Variants in GALNTL6 observed in about 807,000 individuals in gnomAD.
GALNTL6 encodes polypeptide N-acetylgalactosaminyltransferase like 6, also known as polypeptide N-acetylgalactosaminyltransferase-like 6.
A neutral mutation model predicts 73.7 loss-of-function variants in GALNTL6; 46 were observed. The observed-to-expected ratio is 0.62, with a 90% CI of 0.49 to 0.80. The LOEUF (loss-of-function observed/expected upper bound fraction) is 0.80, where lower values mean the gene tolerates loss of function less well. GALNTL6 is among the 30% of genes least tolerant of loss of function. The pLI, the probability that GALNTL6 is intolerant of heterozygous loss-of-function variation, is 0.00. For synonymous variants in GALNTL6, 259 were observed against 263.7 expected, an observed-to-expected ratio of 0.98 and a Z score of 0.17; for missense variants, 604 against 755.0, an observed-to-expected ratio of 0.80 and a Z score of 2.34.
At chr4:172,472,841 T>A (rs776419310) in intron 5 of GALNTL6, among the ~76,000 whole-genome samples, 6 of 152,160 alleles carry the variant, frequency 3.9e-5, no homozygotes, top group Non-Finnish European at 7.3e-5. Flanking sequence ...CATGCACTCC[T>A]GGCCCGTAGA....
chr4:172,777,703 A>G (rs1739147326), intron 5 of GALNTL6, among the ~76,000 whole-genome samples: 1 of 152,192 alleles, frequency 6.6e-6, no homozygotes, highest in South Asian at 2.1e-4. Flanking sequence ...CCTAGACACT[A>G]TGTAAAAATA....
intron 2 of GALNTL6, among the ~76,000 whole-genome samples, chr4:172,223,919 C>T (rs552779693): frequency 1.3e-5 from 2 of 152,102 alleles, no homozygotes; most frequent in African/African-American, 2.4e-5. Context: ...TTGCTTAAAA[C>T]ATTTCCTAGG....
chr4:171,963,008 C>T (rs1160656644), intron 2 of GALNTL6, among the ~76,000 whole-genome samples: 2 of 151,516 alleles, frequency 1.3e-5, no homozygotes, highest in Middle Eastern at 3.4e-3. Flanking sequence ...CCTTGTGATC[C>T]GCCCACCTTG....
At chr4:172,240,996 T>A (rs1737418434) in intron 3 of GALNTL6, among the ~76,000 whole-genome samples, 1 of 152,240 alleles carries the variant, frequency 6.6e-6, no homozygotes. Context: ...GTGGTGTAAT[T>A]TGATTATAAT....
At chr4:172,699,399 A>G (rs1733893551) in intron 5 of GALNTL6, among the ~76,000 whole-genome samples, 1 of 152,224 alleles carries the variant, frequency 6.6e-6, no homozygotes, top group Non-Finnish European at 1.5e-5. Flanking sequence ...ATTTCACAAT[A>G]TATCACAAAC....
At chr4:172,360,274 T>C (rs1302784634) in intron 5 of GALNTL6, among the ~76,000 whole-genome samples, 1 of 151,730 alleles carries the variant, frequency 6.6e-6, no homozygotes, top group Non-Finnish European at 1.5e-5. Context: ...TCATAAATGA[T>C]GTATACATTC....
intron 2 of GALNTL6, among the ~76,000 whole-genome samples, chr4:171,929,334 A>T (rs898376765): frequency 1.3e-5 from 2 of 152,074 alleles, no homozygotes; most frequent in African/African-American, 2.4e-5. Flanking sequence ...AGCCTACCAA[A>T]GTGCTGGGAT....
At chr4:171,924,209 C>A (rs1449193950) in intron 2 of GALNTL6, among the ~76,000 whole-genome samples, 2 of 150,640 alleles carry the variant, frequency 1.3e-5, no homozygotes, top group African/African-American at 4.9e-5. Flanking sequence ...CACACACACA[C>A]ACACAAACAC....
At chr4:171,826,606 C>G (rs1194208727) in intron 2 of GALNTL6, among the ~76,000 whole-genome samples, 1 of 152,136 alleles carries the variant, frequency 6.6e-6, no homozygotes, top group Admixed American at 6.6e-5. Flanking sequence ...GCATTAACCC[C>G]TTTCGCCAAT....
chr4:171,944,792 G>T (rs1009009011), intron 2 of GALNTL6, among the ~76,000 whole-genome samples: 1 of 151,188 alleles, frequency 6.6e-6, no homozygotes, highest in African/African-American at 2.4e-5. Context: ...GAAATTTATT[G>T]TTGCATTATA....
intron 10 of GALNTL6, among the ~76,000 whole-genome samples, chr4:172,978,264 T>G (rs1225425867): frequency 6.6e-6 from 1 of 152,202 alleles, no homozygotes; most frequent in Non-Finnish European, 1.5e-5. Flanking sequence ...TGAGGCTTCT[T>G]GGGTTGACTG....
At chr4:172,202,925 G>A (rs573308413) in intron 2 of GALNTL6, among the ~76,000 whole-genome samples, 234 of 152,230 alleles carry the variant, frequency 1.5e-3, no homozygotes, top group African/African-American at 5.4e-3. Flanking sequence ...AATTAGGCTT[G>A]AGAGGAAAAC....
Position 172,941,250 on chromosome 4 carries a change from C to T in GALNTL6, c.1149+9982C>T, listed in dbSNP as rs971229250. Among the ~76,000 whole-genome samples the T allele has an allele frequency of 5.3e-5, 8 of 152,214 alleles. No homozygotes were observed. In the East Asian group the frequency reaches 1.5e-3, roughly 29 times the overall value. ...ATATTAAGCATTTCTTGAGCTATCA[C>T]ATGAGGACCAAGATTTTATGTTAGC... On this transcript the variant is annotated intron_variant, in intron 9 of 12. Coordinates refer to ENST00000506823, the MANE Select transcript of GALNTL6 (RefSeq NM_001034845.3).
intron 2 of GALNTL6, among the ~76,000 whole-genome samples, chr4:171,860,924 GAAC>G (rs1735814432): frequency 6.6e-6 from 1 of 152,068 alleles, no homozygotes; most frequent in East Asian, 1.9e-4. Flanking sequence ...TTCCAGAATA[GAAC>G]AACCTCTGAT....
At chr4:172,790,838 G>A (rs536135962) in intron 5 of GALNTL6, among the ~76,000 whole-genome samples, 1 of 148,264 alleles carries the variant, frequency 6.7e-6, no homozygotes, top group Non-Finnish European at 1.5e-5. Context: ...GGCAGAGGTT[G>A]CAGTGAGCCA....
intron 10 of GALNTL6, among the ~76,000 whole-genome samples, chr4:172,955,555 AC>A (rs1165836691): frequency 6.6e-6 from 1 of 152,360 alleles, no homozygotes; most frequent in African/African-American, 2.4e-5. Context: ...AAATGTTGAC[AC>A]ATGCGATTTC....
At chr4:172,635,292 G>C (rs564127857) in intron 5 of GALNTL6, among the ~76,000 whole-genome samples, 81 of 152,124 alleles carry the variant, frequency 5.3e-4, no homozygotes, top group African/African-American at 1.9e-3. Context: ...AATATAGTGC[G>C]ACTGTTTATT....
intron 5 of GALNTL6, among the ~76,000 whole-genome samples, chr4:172,808,142 G>A (rs1741078471): frequency 6.6e-6 from 1 of 152,132 alleles, no homozygotes; most frequent in Non-Finnish European, 1.5e-5. Context: ...TTCTTGTACA[G>A]TGAAAATTAG....
At chr4:172,354,996 A>C (rs760762694) in intron 5 of GALNTL6, among the ~76,000 whole-genome samples, 1 of 152,018 alleles carries the variant, frequency 6.6e-6, no homozygotes, top group Non-Finnish European at 1.5e-5. Flanking sequence ...TTACTACTAC[A>C]ATACTTTATT....
Sources: allele counts gnomAD v4.1 joint callset (sites outside exome capture counted in the v4.1 genomes callset), GRCh38; gene constraint gnomAD v4.1.1; transcripts MANE v1.5; gene names NCBI Gene and HGNC (gene_info 2026-07-23, HGNC 2026-07-21).